EIF4G3: variants seen among roughly 807,000 people sequenced by gnomAD.
The protein encoded by EIF4G3 is eIF-4-gamma 3.
EIF4G3 carries 34 observed loss-of-function variants against 186.4 expected under a neutral mutation model. The observed-to-expected ratio is 0.18, with a 90% confidence interval of 0.14 to 0.24. EIF4G3 has a LOEUF of 0.24. EIF4G3 is among the 10% of genes least tolerant of loss of function. The probability of loss-of-function intolerance (pLI) is 1.00; values close to 1 mark genes in which losing one functional copy is unlikely to be tolerated. For missense variants in EIF4G3, 1,536 were observed against 1,948.5 expected, an observed-to-expected ratio of 0.79 and a Z score of 3.99; for synonymous variants, 673 against 679.5, an observed-to-expected ratio of 0.99 and a Z score of 0.15.
At chr1:20,845,938 T>C (rs1200217132) in intron 29 of EIF4G3, among the ~76,000 whole-genome samples, 1 of 152,208 alleles carries the variant, frequency 6.6e-6, no homozygotes. Flanking sequence ...TCCACAAGCA[T>C]GGGATGTTTT....
At chr1:21,160,329 A>C (rs1205807359) in intron 2 of EIF4G3, among the ~76,000 whole-genome samples, 2 of 152,226 alleles carry the variant, frequency 1.3e-5, no homozygotes, top group Non-Finnish European at 2.9e-5. Context: ...ATAATCAATA[A>C]ATGTAGAAGG....
chr1:21,003,847 C>A, intron 4 of EIF4G3: 1 of 343,940 alleles, frequency 2.9e-6, no homozygotes, highest in Admixed American at 3.7e-5. Context: ...AACAGGAAAG[C>A]ATGACCTAGT....
chr1:21,117,514 T>C (rs976964491), intron 2 of EIF4G3, among the ~76,000 whole-genome samples: 1 of 151,990 alleles, frequency 6.6e-6, no homozygotes, highest in Non-Finnish European at 1.5e-5. Flanking sequence ...AAACTGAATT[T>C]TTCTTTTGCA....
chr1:21,107,880 G>T (rs1557996612), intron 2 of EIF4G3, among the ~76,000 whole-genome samples: 1 of 152,212 alleles, frequency 6.6e-6, no homozygotes, highest in Non-Finnish European at 1.5e-5. Context: ...GGCCAGGTTG[G>T]CTTGTGCCTG....
At chr1:21,035,543 C>T (rs980850516) in intron 4 of EIF4G3, among the ~76,000 whole-genome samples, 11 of 152,336 alleles carry the variant, frequency 7.2e-5, no homozygotes, top group East Asian at 1.9e-4. Flanking sequence ...GGGCCAAGCC[C>T]GGGCACTGTT....
In EIF4G3 at chr1:21,054,472, AAAAAAGAAAAG is replaced by A. The variant is rs1238144341; in HGVS notation, c.-195-3489_-195-3479del. Among the ~76,000 whole-genome samples the A allele has an allele frequency of 1.1e-4, 16 of 152,116 alleles. No homozygotes were observed. The East Asian group carries it at 3.1e-3, about 29-fold the overall frequency. ...AACACCCAAGAATGATCAATAAAAA[AAAAAAGAAAAG>A]AAAAAGAAAAAAACAAAAACAAATT... is the stretch of plus-strand genomic sequence containing the variant. On this transcript the variant is annotated intron_variant, in intron 3 of 36. Coordinates refer to ENST00000602326, the MANE Select transcript of EIF4G3 (RefSeq NM_001391906.1).
chr1:20,997,357 G>C (rs2082508956), intron 7 of EIF4G3, among the ~76,000 whole-genome samples: 1 of 128,636 alleles, frequency 7.8e-6, no homozygotes, highest in African/African-American at 2.6e-5. Flanking sequence ...ACAATGCTTG[G>C]CAAGAAAAAA....
chr1:20,807,099 T>G lies in EIF4G3; in HGVS notation c.*220A>C. 1 of 355,622 alleles carries G rather than the reference T, an allele frequency of 2.8e-6. No individual in the cohort carries two copies. The highest frequency in any genetic ancestry group is 2.1e-5 in the African/African-American group (1 of 47,874). The allele number at this position is 355,622 out of a possible 1,614,324, so 22.0% of individuals were successfully genotyped here. On this transcript the variant is annotated 3_prime_UTR_variant, in exon 37 of 37. Coordinates refer to ENST00000602326, the MANE Select transcript of EIF4G3 (RefSeq NM_001391906.1). ...ATATTTTCTATAAATAATACATGTA[T>G]TTTGGTTTTAGTGCTCCCGCCCTAA...
Position 20,887,165 on chromosome 1 carries a change from C to T in EIF4G3, c.2254-794G>A, listed in dbSNP as rs1332616494. Among the ~76,000 whole-genome samples, 6 of 152,084 alleles carry T rather than the reference C, an allele frequency of 3.9e-5. No individual in the cohort carries two copies. In the East Asian group the frequency reaches 1.2e-3, roughly 29 times the overall value. On this transcript the variant is annotated intron_variant, in intron 18 of 36. Transcript: ENST00000602326. ...AGCAGACCTGCTGCATGTTGACAAC[C>T]TTTACTTTTTCTGATATATCATTCT...
intron 31 of EIF4G3, 107 bp downstream of exon 31, chr1:20,829,040 A>G (rs2064395310): frequency 8.2e-7 from 1 of 1,219,798 alleles, no homozygotes; most frequent in South Asian, 1.5e-5. Context: ...GCCTGCATTC[A>G]TGAGTCTCCA....
intron 14 of EIF4G3, among the ~76,000 whole-genome samples, chr1:20,919,934 G>C (rs565531942): frequency 6.9e-6 from 1 of 143,972 alleles, no homozygotes; most frequent in Non-Finnish European, 1.6e-5. Flanking sequence ...TTAAGACGGA[G>C]TTTTGCTCGT....
At chr1:21,058,042 A>G (rs1349255122) in intron 3 of EIF4G3, among the ~76,000 whole-genome samples, 1 of 152,228 alleles carries the variant, frequency 6.6e-6, no homozygotes, top group Admixed American at 6.5e-5. Flanking sequence ...ATCTAGCACT[A>G]ACTTATTGGA....
chr1:21,040,023 T>C (rs1157818633), intron 4 of EIF4G3, among the ~76,000 whole-genome samples: 5 of 152,248 alleles, frequency 3.3e-5, no homozygotes, highest in Admixed American at 6.5e-5. Flanking sequence ...GAAATACATA[T>C]TTGGTCTTCA....
chr1:21,025,427 A>G (rs2091928183), intron 4 of EIF4G3, among the ~76,000 whole-genome samples: 1 of 152,188 alleles, frequency 6.6e-6, no homozygotes, highest in African/African-American at 2.4e-5. Context: ...AGGGCCTGAT[A>G]ACAGCAGTGG....
At chr1:21,073,698 G>A in intron 3 of EIF4G3, 1 of 506,868 alleles carries the variant, frequency 2.0e-6, no homozygotes. Flanking sequence ...ATTACCAAGG[G>A]CTCATGACAG....
Position 21,094,109 on chromosome 1 carries a change from A to AT in EIF4G3, c.-271-4897dup, listed in dbSNP as rs1281676813. Among the ~76,000 whole-genome samples, 915 of 148,552 alleles carry AT rather than the reference A, an allele frequency of 6.2e-3. 3 individuals carry two copies. The highest frequency in any genetic ancestry group is 0.018 in the African/African-American group (717 of 40,542). On this transcript the variant is annotated intron_variant, in intron 2 of 36. Transcript: ENST00000602326. Reference sequence around the variant, plus strand: ...TAAAACTTAAAGTATAATAAAAAAAATTTTTTTTTTTTTTTAAAAAAAGCC... The same window carrying AT: ...TAAAACTTAAAGTATAATAAAAAAAATTTTTTTTTTTTTTTTAAAAAAAGCC...
chr1:20,918,959 C>T (rs887024573), intron 14 of EIF4G3, among the ~76,000 whole-genome samples: 4 of 152,084 alleles, frequency 2.6e-5, no homozygotes, highest in African/African-American at 7.2e-5. Context: ...CTCACAAGTA[C>T]TTTATATTTG....
intron 19 of EIF4G3, among the ~76,000 whole-genome samples, chr1:20,885,223 A>T (rs534993420): frequency 2.6e-5 from 4 of 152,314 alleles, no homozygotes; most frequent in African/African-American, 9.6e-5. Context: ...ATGTGATGGT[A>T]CTGAATCAAA....
At chr1:21,164,873 A>C (rs1027682454) in intron 2 of EIF4G3, among the ~76,000 whole-genome samples, 1 of 152,156 alleles carries the variant, frequency 6.6e-6, no homozygotes, top group African/African-American at 2.4e-5. Flanking sequence ...AAATGAAAAG[A>C]TAAGCCACTA....
Sources: gnomAD v4.1 joint callset for allele counts (sites outside exome capture counted in the v4.1 genomes callset) on GRCh38, gnomAD v4.1.1 for gene constraint, MANE v1.5 for transcripts, NCBI Gene and HGNC (gene_info 2026-07-23, HGNC 2026-07-21) for gene names.